RABGAP1L: variants seen among roughly 807,000 people sequenced by gnomAD.
The protein encoded by RABGAP1L is RAB GTPase activating protein 1 like.
Under a neutral mutation model 137.7 loss-of-function variants are expected in RABGAP1L, and 63 were observed. The observed-to-expected ratio is 0.46, with a 90% CI of 0.37 to 0.56. The LOEUF is 0.56. Ranked by LOEUF, RABGAP1L falls within the 20% of genes least tolerant of loss-of-function variation. The probability of loss-of-function intolerance (pLI) is 0.00; values close to 1 mark genes in which losing one functional copy is unlikely to be tolerated. For synonymous variants in RABGAP1L, 431 were observed against 433.7 expected, an observed-to-expected ratio of 0.99 and a Z score of 0.08; for missense variants, 1,095 against 1,244.0, an observed-to-expected ratio of 0.88 and a Z score of 1.80.
chr1:174,797,315 A>G (rs575510028), intron 18 of RABGAP1L, among the ~76,000 whole-genome samples: 561 of 152,254 alleles, frequency 3.7e-3, no homozygotes, highest in Non-Finnish European at 5.8e-3. Context: ...TTTAAGAGCA[A>G]TTCAGGATGT....
At chr1:174,599,997 C>A (rs918045846) in intron 13 of RABGAP1L, among the ~76,000 whole-genome samples, 1 of 151,996 alleles carries the variant, frequency 6.6e-6, no homozygotes, top group African/African-American at 2.4e-5. Context: ...AAGACATACC[C>A]AAGACTGGGA....
intron 13 of RABGAP1L, among the ~76,000 whole-genome samples, chr1:174,557,020 A>G (rs2148004714): frequency 6.6e-6 from 1 of 152,346 alleles, no homozygotes; most frequent in East Asian, 1.9e-4. Context: ...AATGACATGA[A>G]CTGGCACATT....
Position 174,252,576 on chromosome 1 carries a change from A to G in RABGAP1L, c.972A>G (p.Glu324=), listed in dbSNP as rs770861365. 7 of 1,609,398 alleles carry G rather than the reference A, an allele frequency of 4.3e-6. No homozygotes were observed. Among genetic ancestry groups the G allele is most frequent in the Non-Finnish European group, 5.9e-6 (7 of 1,178,654 alleles). Reference sequence around the variant, plus strand: ...CAGTGCAGCAACTTTCTAACAAAGAATTAGCTATTGAAAGGTAAGCAGCTT... The same window carrying G: ...CAGTGCAGCAACTTTCTAACAAAGAGTTAGCTATTGAAAGGTAAGCAGCTT... ...VITVQQLSNK[E]LAIERCFGML... The change falls in exon 7 of 26, where the codon GAA becomes GAG. Residue 324 remains glutamate (E), a synonymous_variant. Transcript: ENST00000681986.
chr1:174,195,530 A>G (rs1362288280), intron 1 of RABGAP1L, among the ~76,000 whole-genome samples: 1 of 151,862 alleles, frequency 6.6e-6, no homozygotes, highest in Non-Finnish European at 1.5e-5. Flanking sequence ...TTGGTTTCCA[A>G]TTCCTGTTAT....
chr1:174,595,877 C>G (rs1669851083), intron 13 of RABGAP1L, among the ~76,000 whole-genome samples: 1 of 106,882 alleles, frequency 9.4e-6, no homozygotes, highest in Non-Finnish European at 1.8e-5. Flanking sequence ...CTGTGGTGGG[C>G]TCCACCCAGT....
intron 13 of RABGAP1L, among the ~76,000 whole-genome samples, chr1:174,476,401 C>T (rs1381941789): frequency 6.6e-6 from 1 of 152,078 alleles, no homozygotes; most frequent in Non-Finnish European, 1.5e-5. Flanking sequence ...ATTGTAAAAA[C>T]TTTTACACTA....
chr1:174,693,459 T>G (rs1448063230), intron 15 of RABGAP1L, among the ~76,000 whole-genome samples: 1 of 152,254 alleles, frequency 6.6e-6, no homozygotes, highest in Non-Finnish European at 1.5e-5. Context: ...TTCATCACTT[T>G]CTGGTTATGT....
intron 11 of RABGAP1L, among the ~76,000 whole-genome samples, chr1:174,327,337 G>T (rs902167422): frequency 2.0e-5 from 3 of 151,878 alleles, no homozygotes; most frequent in Non-Finnish European, 4.4e-5. Flanking sequence ...GGTATAAAAA[G>T]ATGTATATAA....
Position 174,461,912 on chromosome 1 carries a change from G to C in RABGAP1L, c.1710+67767G>C, listed in dbSNP as rs189935135. Among the ~76,000 whole-genome samples, 105 of 152,076 alleles carry C rather than the reference G, an allele frequency of 6.9e-4. 2 individuals carry two copies. Among genetic ancestry groups the C allele is most frequent in the Middle Eastern group, 3.4e-3 (1 of 294 alleles). On this transcript the variant is annotated intron_variant, in intron 13 of 25. Transcript: ENST00000681986. Reference sequence around the variant, plus strand: ...GGTGAATACACTTTGGGGTAGCTCAGGTTTTTTCCATAATGTTTATTTATA... The same window carrying C: ...GGTGAATACACTTTGGGGTAGCTCACGTTTTTTCCATAATGTTTATTTATA...
chr1:174,210,924 A>G (rs1202107985), intron 1 of RABGAP1L, among the ~76,000 whole-genome samples: 1 of 152,186 alleles, frequency 6.6e-6, no homozygotes, highest in African/African-American at 2.4e-5. Flanking sequence ...ATATACCAGA[A>G]GAGAGCAGCA....
At chr1:174,576,546 C>A (rs905021315) in intron 13 of RABGAP1L, among the ~76,000 whole-genome samples, 1 of 152,186 alleles carries the variant, frequency 6.6e-6, no homozygotes, top group African/African-American at 2.4e-5. Flanking sequence ...TTACACAATC[C>A]TGCATGCAAT....
intron 12 of RABGAP1L, among the ~76,000 whole-genome samples, chr1:174,372,900 G>C (rs1008282258): frequency 6.6e-6 from 1 of 152,114 alleles, no homozygotes; most frequent in Non-Finnish European, 1.5e-5. Flanking sequence ...GTTGAGAGTT[G>C]TAAACTAGCC....
intron 13 of RABGAP1L, among the ~76,000 whole-genome samples, chr1:174,608,904 G>A (rs1670981350): frequency 6.6e-6 from 1 of 152,044 alleles, no homozygotes; most frequent in Non-Finnish European, 1.5e-5. Flanking sequence ...TGGTTTAGCT[G>A]GCCCAAACAA....
intron 13 of RABGAP1L, among the ~76,000 whole-genome samples, chr1:174,618,661 C>T (rs1401109147): frequency 6.6e-6 from 1 of 152,060 alleles, no homozygotes; most frequent in South Asian, 2.1e-4. Context: ...TCATCAAAGA[C>T]CAAAGGTAGA....
chr1:174,231,002 A>T (rs971728092), intron 3 of RABGAP1L, 143 bp from the exon 4 acceptor site: 185 of 601,002 alleles, frequency 3.1e-4, no homozygotes, highest in Non-Finnish European at 4.7e-4. Context: ...AAATCCTAAA[A>T]TTTTAAAATA....
chr1:174,531,832 A>G (rs999442328), intron 13 of RABGAP1L, among the ~76,000 whole-genome samples: 2 of 152,170 alleles, frequency 1.3e-5, no homozygotes, highest in African/African-American at 4.8e-5. Context: ...CAAACTTCCA[A>G]ATGAGAAAAA....
At chr1:174,905,603 C>T (rs1167736855) in intron 19 of RABGAP1L, among the ~76,000 whole-genome samples, 2 of 152,168 alleles carry the variant, frequency 1.3e-5, no homozygotes. Context: ...GTAATCCCAG[C>T]ACTTTAGGAG....
chr1:174,751,887 A>G (rs1684364919), intron 17 of RABGAP1L, among the ~76,000 whole-genome samples: 1 of 152,076 alleles, frequency 6.6e-6, no homozygotes, highest in Non-Finnish European at 1.5e-5. Context: ...TATCAGCAAC[A>G]CTGCCTTGTT....
At chr1:174,324,929 C>A (rs1680307446) in intron 11 of RABGAP1L, among the ~76,000 whole-genome samples, 1 of 152,072 alleles carries the variant, frequency 6.6e-6, no homozygotes, top group Non-Finnish European at 1.5e-5. Context: ...GGAAAGAAAC[C>A]TCATTGTAGT....
Sources: allele counts gnomAD v4.1 joint callset (sites outside exome capture counted in the v4.1 genomes callset), GRCh38; gene constraint gnomAD v4.1.1; transcripts MANE v1.5; gene names NCBI Gene and HGNC (gene_info 2026-07-23, HGNC 2026-07-21).